The following IGF2BP2 variants were observed in gnomAD, a reference collection of about 807,000 sequenced individuals.
IGF2BP2 encodes the protein insulin-like growth factor 2 mRNA-binding protein 2.
IGF2BP2 carries 17 observed loss-of-function variants against 75.8 expected under a neutral mutation model. The ratio of observed to expected loss-of-function variants is 0.22; its 90% CI spans 0.15 to 0.34. The LOEUF (loss-of-function observed/expected upper bound fraction) is 0.34, where lower values mean the gene tolerates loss of function less well. Among genes scored for constraint, IGF2BP2 ranks in the 10% least tolerant of loss-of-function variants. The pLI is 1.00. For synonymous variants in IGF2BP2, 288 were observed against 295.6 expected (o/e 0.97, Z 0.26); for missense variants, 516 against 772.4 (o/e 0.67, Z 3.93).
intron 9 of IGF2BP2, among the ~76,000 whole-genome samples, chr3:185,672,964 C>A (rs2149219029): frequency 6.6e-6 from 1 of 152,332 alleles, no homozygotes; most frequent in South Asian, 2.1e-4. Context: ...TCATCTCCAA[C>A]CTGGCCAGTC....
intron 10 of IGF2BP2, among the ~76,000 whole-genome samples, chr3:185,663,937 AT>A (rs1716880889): frequency 6.6e-6 from 1 of 152,144 alleles, no homozygotes; most frequent in African/African-American, 2.4e-5. Context: ...ATGTTCAAAT[AT>A]TTAAATAGTT....
intron 2 of IGF2BP2, among the ~76,000 whole-genome samples, chr3:185,719,558 G>T (rs929028793): frequency 4.6e-5 from 7 of 152,310 alleles, no homozygotes; most frequent in South Asian, 2.1e-4. Flanking sequence ...TACAGGCTGG[G>T]TGTGGTGGCT....
intron 9 of IGF2BP2, among the ~76,000 whole-genome samples, chr3:185,673,923 G>A (rs1718898700): frequency 6.6e-6 from 1 of 152,156 alleles, no homozygotes; most frequent in Non-Finnish European, 1.5e-5. Flanking sequence ...TTTACCACAA[G>A]ATGTCAAGAA....
At chr3:185,698,805 TTTG>T (rs1430353210) in intron 2 of IGF2BP2, among the ~76,000 whole-genome samples, 2 of 151,644 alleles carry the variant, frequency 1.3e-5, no homozygotes, top group African/African-American at 4.9e-5. Flanking sequence ...TTGTGGGTTT[TTTG>T]TTGTTGTTTG....
chr3:185,652,472 G>T (rs1189013663), intron 12 of IGF2BP2, among the ~76,000 whole-genome samples: 1 of 152,200 alleles, frequency 6.6e-6, no homozygotes, highest in Non-Finnish European at 1.5e-5. Context: ...CAAGTTTTAG[G>T]AAATAACCAG....
At chr3:185,737,158 CAT>C (rs544243242) in intron 2 of IGF2BP2, among the ~76,000 whole-genome samples, 5 of 152,284 alleles carry the variant, frequency 3.3e-5, no homozygotes, top group Admixed American at 3.3e-4. Flanking sequence ...GGACTGTTAT[CAT>C]ATCCCCTTTA....
intron 2 of IGF2BP2, among the ~76,000 whole-genome samples, chr3:185,760,009 C>T (rs1343833414): frequency 6.6e-6 from 1 of 152,102 alleles, no homozygotes; most frequent in Non-Finnish European, 1.5e-5. Flanking sequence ...TTTATAAATA[C>T]TTCAGTATAT....
At chr3:185,819,649 A>T in intron 2 of IGF2BP2, among the ~76,000 whole-genome samples, 1 of 152,220 alleles carries the variant, frequency 6.6e-6, no homozygotes, top group Middle Eastern at 3.4e-3. Flanking sequence ...TTACAGTTTA[A>T]TATATATTCT....
chr3:185,649,228 C>T (rs977198084), intron 14 of IGF2BP2, among the ~76,000 whole-genome samples, 175 bp downstream of exon 14: 28 of 152,038 alleles, frequency 1.8e-4, no homozygotes, highest in African/African-American at 6.5e-4. Context: ...ACATTTTTGT[C>T]CTTGGGATCC....
intron 2 of IGF2BP2, among the ~76,000 whole-genome samples, chr3:185,701,179 G>A (rs950314454): frequency 1.3e-5 from 2 of 151,690 alleles, no homozygotes; most frequent in Admixed American, 1.3e-4. Flanking sequence ...ATCCTCCCAC[G>A]TTGGCCTCCC....
intron 2 of IGF2BP2, among the ~76,000 whole-genome samples, chr3:185,773,754 AT>A (rs1734180560): frequency 1.3e-5 from 2 of 152,114 alleles, no homozygotes. Flanking sequence ...TCTTGCTGAA[AT>A]TTCTCAGTGT....
chr3:185,737,423 C>T (rs11714461), intron 2 of IGF2BP2, among the ~76,000 whole-genome samples: 2,007 of 152,290 alleles, frequency 0.013, 18 homozygotes, highest in Non-Finnish European at 0.021. Flanking sequence ...CTCCAAGCCT[C>T]AGTTTTCCCT....
intron 12 of IGF2BP2, among the ~76,000 whole-genome samples, chr3:185,654,149 A>G (rs1715049245): frequency 6.6e-6 from 1 of 151,968 alleles, no homozygotes; most frequent in Non-Finnish European, 1.5e-5. Flanking sequence ...TCTGGCTGTG[A>G]CTCCTTGGTG....
intron 2 of IGF2BP2, among the ~76,000 whole-genome samples, chr3:185,711,706 C>A (rs1724823463): frequency 6.6e-6 from 1 of 152,220 alleles, no homozygotes; most frequent in Non-Finnish European, 1.5e-5. Context: ...CTTTTCCTAC[C>A]TCTTTTTCCT....
chr3:185,812,358 G>A (rs1381417350), intron 2 of IGF2BP2, among the ~76,000 whole-genome samples: 1 of 152,180 alleles, frequency 6.6e-6, no homozygotes, highest in East Asian at 1.9e-4. Context: ...CGCAATCACT[G>A]GCCAAGGAGC....
chr3:185,682,365 T>G (rs1720513889), intron 7 of IGF2BP2, among the ~76,000 whole-genome samples: 1 of 152,198 alleles, frequency 6.6e-6, no homozygotes, highest in Non-Finnish European at 1.5e-5. Flanking sequence ...CTATTTCTTC[T>G]CTCTGTCTCT....
At position 185,769,038 on chromosome 3, in the gene IGF2BP2, A is replaced by G. The variant is rs539083212; in HGVS notation, c.239+54115T>C. Among the ~76,000 whole-genome samples, 10 of 151,550 alleles carry G rather than the reference A, an allele frequency of 6.6e-5. No individual in the cohort carries two copies. The South Asian group carries it at 1.3e-3, about 19-fold the overall frequency. On this transcript the variant is annotated intron_variant, in intron 2 of 15. Transcript: ENST00000382199. Reference sequence around the variant, plus strand: ...TGAGACTCCGTCTCAAAACAAATCAAAACAAAAAAAAGGTTGAACCTGGGC... The same window carrying G: ...TGAGACTCCGTCTCAAAACAAATCAGAACAAAAAAAAGGTTGAACCTGGGC...
intron 2 of IGF2BP2, among the ~76,000 whole-genome samples, chr3:185,771,381 A>G (rs1733853401): frequency 6.6e-6 from 1 of 150,784 alleles, no homozygotes; most frequent in Admixed American, 6.6e-5. Context: ...GTGGAGTTGC[A>G]GTGGGCTGAG....
At chr3:185,786,951 C>T (rs1011761690) in intron 2 of IGF2BP2, among the ~76,000 whole-genome samples, 6 of 152,094 alleles carry the variant, frequency 3.9e-5, no homozygotes, top group East Asian at 3.8e-4. Context: ...CACAACCTTT[C>T]GAAATGTAAA....
Sources: allele counts gnomAD v4.1 joint callset (sites outside exome capture counted in the v4.1 genomes callset), GRCh38; gene constraint gnomAD v4.1.1; transcripts MANE v1.5; gene names NCBI Gene and HGNC (gene_info 2026-07-23, HGNC 2026-07-21).